ALK: variants seen among roughly 807,000 people sequenced by gnomAD.
The protein encoded by ALK is ALK tyrosine kinase receptor.
A neutral mutation model predicts 163.1 loss-of-function variants in ALK; 74 were observed. The observed-to-expected ratio is 0.45, with a 90% CI of 0.38 to 0.55. ALK has a LOEUF of 0.55. Among genes scored for constraint, ALK ranks in the 20% least tolerant of loss-of-function variants. The probability of loss-of-function intolerance (pLI) is 0.00; values close to 1 mark genes in which losing one functional copy is unlikely to be tolerated. For missense variants in ALK, 2,063 were observed against 2,105.3 expected (o/e 0.98, Z 0.39); for synonymous variants, 960 against 843.2 (o/e 1.14, Z -2.40).
intron 23 of ALK, among the ~76,000 whole-genome samples, chr2:29,220,293 C>T (rs558749025): frequency 6.6e-6 from 1 of 152,218 alleles, no homozygotes; most frequent in South Asian, 2.1e-4. Context: ...TCATTCTGCT[C>T]CTGCCATGTA....
intron 4 of ALK, among the ~76,000 whole-genome samples, chr2:29,513,581 A>T (rs1672580702): frequency 6.6e-6 from 1 of 152,044 alleles, no homozygotes; most frequent in Non-Finnish European, 1.5e-5. Context: ...TTCAGGACTT[A>T]GGCACGGGCA....
intron 12 of ALK, among the ~76,000 whole-genome samples, chr2:29,241,509 TG>T (rs1664521863): frequency 6.6e-6 from 1 of 151,322 alleles, no homozygotes; most frequent in African/African-American, 2.4e-5. Flanking sequence ...GACAGGTGGT[TG>T]TGGGGTGTGG....
intron 1 of ALK, among the ~76,000 whole-genome samples, chr2:29,749,833 G>A (rs1203849977): frequency 8.5e-5 from 13 of 152,248 alleles, no homozygotes; most frequent in Non-Finnish European, 1.2e-4. Flanking sequence ...GACAGGGAGA[G>A]AAGAAATGAG....
chr2:29,897,886 C>T (rs1168090077), intron 1 of ALK, among the ~76,000 whole-genome samples: 1 of 152,120 alleles, frequency 6.6e-6, no homozygotes, highest in Admixed American at 6.6e-5. Context: ...CAAACAGCCT[C>T]CCCCTAGTTC....
chr2:29,875,694 G>A (rs1351625516), intron 1 of ALK, among the ~76,000 whole-genome samples: 1 of 152,124 alleles, frequency 6.6e-6, no homozygotes, highest in African/African-American at 2.4e-5. Flanking sequence ...TTGGTTTTCT[G>A]TTGCTGTGTT....
chr2:29,413,947 G>A (rs1044524609), intron 4 of ALK, among the ~76,000 whole-genome samples: 2 of 152,154 alleles, frequency 1.3e-5, no homozygotes, highest in Non-Finnish European at 1.5e-5. Context: ...TTACAGGCGT[G>A]AGCCATCGTG....
At chr2:29,274,977 C>G in intron 11 of ALK, 122 bp downstream of exon 11, 2 of 1,316,600 alleles carry the variant, frequency 1.5e-6, no homozygotes, top group Non-Finnish European at 2.2e-6. Context: ...GTAGGTGATA[C>G]TCCTTCTAAA....
chr2:29,379,132 C>T (rs1356638171), intron 5 of ALK, among the ~76,000 whole-genome samples: 1 of 152,172 alleles, frequency 6.6e-6, no homozygotes, highest in Non-Finnish European at 1.5e-5. Context: ...TCCTATTGCT[C>T]TGGGTTGTCT....
At chr2:29,708,936 A>T (rs184593605) in intron 2 of ALK, among the ~76,000 whole-genome samples, 1 of 152,318 alleles carries the variant, frequency 6.6e-6, no homozygotes, top group East Asian at 1.9e-4. Flanking sequence ...AGTCCTGTGA[A>T]TTGGAGGTCT....
intron 1 of ALK, among the ~76,000 whole-genome samples, chr2:29,799,168 AC>A (rs1664398488): frequency 6.6e-6 from 1 of 152,244 alleles, no homozygotes; most frequent in African/African-American, 2.4e-5. Flanking sequence ...ATAAAAACCA[AC>A]AAACTTTCCA....
At position 29,233,606 on chromosome 2, in the gene ALK, C is replaced by T. The variant is rs2148184492; in HGVS notation, c.2446G>A (p.Gly816Arg). 2 of 1,614,274 alleles carry T rather than the reference C, an allele frequency of 1.2e-6. No homozygotes were observed. The highest frequency in any genetic ancestry group is 1.1e-5 in the South Asian group (1 of 91,088). ...GCTCCACCCCCTCCTCCTCCGCCTC[C>T]TGCCCACTCATGCACGCTTCTGTTC... ...RVNRSVHEWA[G>R]GGGGGGGATY... is the part of the protein sequence containing the mutation. The change falls in exon 14 of 29, where the codon GGA becomes AGA. Residue 816 changes from glycine (G) to arginine (R), a missense_variant. Physicochemically the swap from Gly to Arg is moderately radical, Grantham distance 125 (BLOSUM62 -2). Coordinates refer to ENST00000389048, the MANE Select transcript of ALK (RefSeq NM_004304.5).
Position 29,345,548 on chromosome 2 carries a change from A to G in ALK, c.1283-17067T>C, listed in dbSNP as rs955013956. Among the ~76,000 whole-genome samples, 5 of 152,140 alleles carry G rather than the reference A, an allele frequency of 3.3e-5. 1 individual carries two copies. The highest frequency in any genetic ancestry group is 1.2e-4 in the African/African-American group (5 of 41,532). On this transcript the variant is annotated intron_variant, in intron 5 of 28. Coordinates refer to ENST00000389048, the MANE Select transcript of ALK (RefSeq NM_004304.5). ...GTGAACTGGGAGAACTTTTCTAGAA[A>G]AGTTTGGCAGTATGTTTTAAGAACC... is the stretch of plus-strand genomic sequence containing the variant.
intron 2 of ALK, among the ~76,000 whole-genome samples, chr2:29,714,511 C>T (rs1432560219): frequency 6.6e-6 from 1 of 152,172 alleles, no homozygotes; most frequent in African/African-American, 2.4e-5. Context: ...CAATTCAGAA[C>T]TGGACAGCTC....
intron 4 of ALK, among the ~76,000 whole-genome samples, chr2:29,434,401 A>G (rs1028692662): frequency 6.6e-6 from 1 of 152,212 alleles, no homozygotes; most frequent in Non-Finnish European, 1.5e-5. Flanking sequence ...TCTCCTGGGA[A>G]TATCAAATTC....
At chr2:29,633,289 T>G (rs2339554) in intron 3 of ALK, among the ~76,000 whole-genome samples, 98,632 of 151,854 alleles carry the variant, frequency 0.65, 32,736 homozygotes, top group Middle Eastern at 0.73. Context: ...TGCACTCTTG[T>G]TCTGAGCTCA....
At chr2:29,565,274 A>G (rs77363065) in intron 3 of ALK, among the ~76,000 whole-genome samples, 136 of 152,358 alleles carry the variant, frequency 8.9e-4, no homozygotes, top group African/African-American at 3.2e-3. Context: ...AAGAGCAAGG[A>G]CATAAAGACC....
At chr2:29,680,867 T>A (rs1490247066) in intron 3 of ALK, among the ~76,000 whole-genome samples, 1 of 152,152 alleles carries the variant, frequency 6.6e-6, no homozygotes, top group African/African-American at 2.4e-5. Flanking sequence ...CTTGTTCTTA[T>A]AGTTGTTTTA....
At chr2:29,710,873 G>A (rs1558453991) in intron 2 of ALK, among the ~76,000 whole-genome samples, 1 of 152,204 alleles carries the variant, frequency 6.6e-6, no homozygotes, top group East Asian at 1.9e-4. Context: ...CAAGACCTGG[G>A]TTTACAGCTC....
intron 9 of ALK, among the ~76,000 whole-genome samples, chr2:29,294,379 G>A (rs1213764752): frequency 6.6e-6 from 1 of 152,170 alleles, no homozygotes; most frequent in Non-Finnish European, 1.5e-5. Flanking sequence ...TTGGATGACT[G>A]GTTATATTGC....
Sources: gnomAD v4.1 joint callset for allele counts (sites outside exome capture counted in the v4.1 genomes callset) on GRCh38, gnomAD v4.1.1 for gene constraint, MANE v1.5 for transcripts, NCBI Gene and HGNC (gene_info 2026-07-23, HGNC 2026-07-21) for gene names.